Variants in SCAMP1 observed in about 807,000 individuals in gnomAD.
SCAMP1 encodes secretory carrier membrane protein 1, also known as secretory carrier-associated membrane protein 1.
A neutral mutation model predicts 41.8 loss-of-function variants in SCAMP1; 15 were observed. The ratio of observed to expected loss-of-function variants is 0.36; its 90% CI spans 0.24 to 0.55. The LOEUF (loss-of-function observed/expected upper bound fraction) is 0.55. Ranked by LOEUF, SCAMP1 falls within the 20% of genes least tolerant of loss-of-function variation. The pLI is 0.86. For missense variants in SCAMP1, 341 were observed against 412.6 expected (o/e 0.83, Z 1.50); for synonymous variants, 135 against 136.8 (o/e 0.99, Z 0.09).
In SCAMP1 at chr5:78,396,982, A is replaced by G. The variant is rs1022902495; in HGVS notation, c.135+8068A>G. ...GAAGAAAGAACTGGGAAAAGCGCAA[A>G]TAGACAACTCTTCATAGGATTTTTG... On this transcript the variant is annotated intron_variant, in intron 2 of 8. Transcript: ENST00000621999. Among the ~76,000 whole-genome samples the G allele has an allele frequency of 2.6e-5, 4 of 152,242 alleles. No homozygotes were observed. The East Asian group carries it at 7.7e-4, about 29-fold the overall frequency.
intron 8 of SCAMP1, among the ~76,000 whole-genome samples, chr5:78,463,370 A>G (rs1045998037): frequency 3.9e-5 from 6 of 152,212 alleles, no homozygotes; most frequent in Non-Finnish European, 7.3e-5. Context: ...TCTTTGTGCT[A>G]TGCAGTCATT....
intron 1 of SCAMP1, among the ~76,000 whole-genome samples, chr5:78,380,095 T>C (rs567038435): frequency 6.6e-6 from 1 of 152,322 alleles, no homozygotes; most frequent in South Asian, 2.1e-4. Flanking sequence ...CCTTGCTTTT[T>C]TCACTCAGCC....
At position 78,480,349 on chromosome 5, in the gene SCAMP1, A is replaced by T. The variant is rs6453395; in HGVS notation, c.*4681A>T. ...CATTAAAACAGTTCTAGTTTGTAGA[A>T]TAATACCATACAAGTTTTATTTTTA... On this transcript the variant is annotated 3_prime_UTR_variant, in exon 9 of 9. Coordinates refer to ENST00000621999, the MANE Select transcript of SCAMP1 (RefSeq NM_004866.6). Among the ~76,000 whole-genome samples, 2 of 152,332 alleles carry T rather than the reference A, an allele frequency of 1.3e-5. No homozygotes were observed. Among genetic ancestry groups the T allele is most frequent in the Admixed American group, 1.3e-4 (2 of 15,306 alleles).
chr5:78,405,095 C>T (rs1178398011), intron 2 of SCAMP1, among the ~76,000 whole-genome samples: 1 of 152,176 alleles, frequency 6.6e-6, no homozygotes, highest in African/African-American at 2.4e-5. Flanking sequence ...CAGCAATTTG[C>T]CCTGTGTCCT....
intron 2 of SCAMP1, among the ~76,000 whole-genome samples, chr5:78,391,520 CG>C (rs1245257243): frequency 6.6e-6 from 1 of 151,414 alleles, no homozygotes; most frequent in African/African-American, 2.4e-5. Context: ...ACTTCCCAGA[CG>C]GGGTGGCTGC....
In SCAMP1 at chr5:78,458,175, G is replaced by T. The variant is rs536748292; in HGVS notation, c.735-1070G>T. Among the ~76,000 whole-genome samples the T allele has an allele frequency of 3.3e-5, 5 of 152,192 alleles. No homozygotes were observed. The East Asian group carries it at 9.7e-4, about 29-fold the overall frequency. On this transcript the variant is annotated intron_variant, in intron 7 of 8. Coordinates refer to ENST00000621999, the MANE Select transcript of SCAMP1 (RefSeq NM_004866.6). ...TCGCTCTCGCTGGGAGCTGTAGACC[G>T]GAGCTGTTCCTATTCGGCCATCTTG...
chr5:78,464,458 C>G (rs985694970), intron 8 of SCAMP1, among the ~76,000 whole-genome samples: 1 of 152,138 alleles, frequency 6.6e-6, no homozygotes, highest in African/African-American at 2.4e-5. Context: ...TTCTTAGATA[C>G]CTTTTTAGTA....
At chr5:78,429,655 C>G (rs892580457) in intron 6 of SCAMP1, among the ~76,000 whole-genome samples, 14 of 152,048 alleles carry the variant, frequency 9.2e-5, no homozygotes, top group African/African-American at 2.4e-4. Context: ...AAGAATGCCA[C>G]AGACTCATGC....
Position 78,449,927 on chromosome 5 carries a change from T to TC in SCAMP1, c.633-5dup, listed in dbSNP as rs764835381. On this transcript the variant is annotated splice_polypyrimidine_tract_variant and splice_region_variant and intron_variant, in intron 6 of 8. Coordinates refer to ENST00000621999, the MANE Select transcript of SCAMP1 (RefSeq NM_004866.6). ...TTTTTTCTTTCTTTCTTTTTTTTTT[T>TC]CAAAGGAGTGACAGTTCATTTAGAT... 6.1e-6 allele frequency: 9 copies of TC among 1,472,074 alleles called. No individual in the cohort carries two copies. In the African/African-American group the frequency reaches 8.7e-5, roughly 14 times the overall value. The allele number at this position is 1,472,074 out of a possible 1,614,324, so 91.2% of individuals were successfully genotyped here.
chr5:78,437,823 G>A (rs1221401757), intron 6 of SCAMP1, among the ~76,000 whole-genome samples: 5 of 152,184 alleles, frequency 3.3e-5, no homozygotes, highest in Admixed American at 2.0e-4. Context: ...GATAGAATTC[G>A]GCTGTGAATC....
intron 2 of SCAMP1, among the ~76,000 whole-genome samples, chr5:78,407,620 T>C (rs7710712): frequency 0.027 from 2,222 of 81,010 alleles, 53 homozygotes; most frequent in African/African-American, 0.092. Context: ...TGACTCTCCC[T>C]TATCCTGTTT....
At position 78,418,763 on chromosome 5, in the gene SCAMP1, A is replaced by C. The variant is rs1444965853; in HGVS notation, c.344-12A>C. The C allele has an allele frequency of 7.5e-6, 11 of 1,474,600 alleles. No homozygotes were observed. The highest frequency in any genetic ancestry group is 2.5e-5 in the East Asian group (1 of 40,452). The allele number at this position is 1,474,600 out of a possible 1,614,324, so 91.3% of individuals were successfully genotyped here. On this transcript the variant is annotated splice_polypyrimidine_tract_variant and intron_variant, in intron 4 of 8. Coordinates refer to ENST00000621999, the MANE Select transcript of SCAMP1 (RefSeq NM_004866.6). ...ATAAATAACCTTTTCTTTTTCTAAA[A>C]AAAATTTACAGGTAGAAAAAATAAT...
At chr5:78,374,694 C>T (rs1193956208) in intron 1 of SCAMP1, among the ~76,000 whole-genome samples, 3 of 151,970 alleles carry the variant, frequency 2.0e-5, no homozygotes, top group Admixed American at 1.3e-4. Context: ...AGAGTGTACT[C>T]GATAATCAAA....
chr5:78,430,773 T>A (rs1056514105), intron 6 of SCAMP1, among the ~76,000 whole-genome samples: 15 of 152,022 alleles, frequency 9.9e-5, no homozygotes, highest in African/African-American at 3.6e-4. Flanking sequence ...ATTTACATTA[T>A]CATTTAGTTT....
intron 8 of SCAMP1, among the ~76,000 whole-genome samples, chr5:78,466,023 G>A (rs948361156): frequency 6.6e-6 from 1 of 152,238 alleles, no homozygotes; most frequent in African/African-American, 2.4e-5. Flanking sequence ...ATTGGAGACT[G>A]CGGCCTAGCC....
chr5:78,392,507 A>G (rs10440686), intron 2 of SCAMP1, among the ~76,000 whole-genome samples: 28,075 of 152,244 alleles, frequency 0.18, 3,212 homozygotes, highest in Admixed American at 0.34. Flanking sequence ...CACAAAGAAG[A>G]TATATCCAGA....
chr5:78,391,999 AAG>A (rs1491326697), intron 2 of SCAMP1, among the ~76,000 whole-genome samples: 1 of 144,582 alleles, frequency 6.9e-6, no homozygotes, highest in Non-Finnish European at 1.5e-5. Context: ...AGACCGTGGA[AAG>A]AGAGGGAGAG....
At chr5:78,372,391 C>T (rs759585221) in intron 1 of SCAMP1, among the ~76,000 whole-genome samples, 1 of 152,136 alleles carries the variant, frequency 6.6e-6, no homozygotes, top group Non-Finnish European at 1.5e-5. Context: ...CAGGCCAGTG[C>T]TTACAATTGT....
At chr5:78,368,973 C>A (rs780047615) in intron 1 of SCAMP1, among the ~76,000 whole-genome samples, 2 of 151,854 alleles carry the variant, frequency 1.3e-5, no homozygotes, top group Non-Finnish European at 2.9e-5. Flanking sequence ...CCAGCACTTG[C>A]AGAAATTCAA....
Sources: gnomAD v4.1 joint callset for allele counts (sites outside exome capture counted in the v4.1 genomes callset) on GRCh38, gnomAD v4.1.1 for gene constraint, MANE v1.5 for transcripts, NCBI Gene and HGNC (gene_info 2026-07-23, HGNC 2026-07-21) for gene names.